VWA8: variants seen among roughly 807,000 people sequenced by gnomAD.
VWA8 encodes the protein von Willebrand factor A domain-containing protein 8.
In VWA8, 221 loss-of-function variants were observed where a neutral mutation model predicts 241.5. The observed-to-expected ratio is 0.91, with a 90% CI of 0.82 to 1.02. VWA8 has a LOEUF of 1.02. VWA8 is among the 50% of genes least tolerant of loss of function. The pLI, the probability that VWA8 is intolerant of heterozygous loss-of-function variation, is 0.00. For synonymous variants in VWA8, 852 were observed against 827.1 expected (o/e 1.03, Z -0.52); for missense variants, 2,322 against 2,328.7 (o/e 1.00, Z 0.06).
Position 41,587,599 on chromosome 13 carries a change from G to C in VWA8, c.5184C>G (p.Phe1728Leu). Residue 1728 changes from phenylalanine to leucine, a missense_variant, in exon 42 of 45, where the codon TTC (phenylalanine) becomes TTG (leucine). Coordinates refer to ENST00000379310, the MANE Select transcript of VWA8 (RefSeq NM_015058.2). ...GCTCAAGCCGGCCATCCATCCTGTTGAAACGGTACATGCTACCAGACACAT... is the reference window on the plus strand; with the variant it reads ...GCTCAAGCCGGCCATCCATCCTGTTCAAACGGTACATGCTACCAGACACAT... ...VVDVSGSMYR[F>L]NRMDGRLERT... 5 of 1,614,188 alleles carry C rather than the reference G, an allele frequency of 3.1e-6. No individual in the cohort carries two copies. Among genetic ancestry groups the C allele is most frequent in the Non-Finnish European group, 4.2e-6 (5 of 1,180,038 alleles).
chr13:41,671,581 AC>A (rs1437107910), intron 36 of VWA8, among the ~76,000 whole-genome samples: 1 of 151,682 alleles, frequency 6.6e-6, no homozygotes, highest in African/African-American at 2.4e-5. Context: ...TGAAGCCCTA[AC>A]CCCCAATATG....
chr13:41,825,523 G>A (rs1403433663), intron 14 of VWA8, among the ~76,000 whole-genome samples: 2 of 152,116 alleles, frequency 1.3e-5, no homozygotes, highest in African/African-American at 2.4e-5. Flanking sequence ...CAAGACTGTA[G>A]AAGCTGTTCT....
intron 32 of VWA8, 74 bp downstream of exon 32, chr13:41,691,246 T>G: frequency 1.3e-6 from 2 of 1,514,280 alleles, no homozygotes; most frequent in Non-Finnish European, 1.8e-6. Flanking sequence ...GACAGAACAG[T>G]AAAGATGTTG....
At chr13:41,867,631 T>C (rs1873373812) in intron 10 of VWA8, among the ~76,000 whole-genome samples, 1 of 152,214 alleles carries the variant, frequency 6.6e-6, no homozygotes, top group Non-Finnish European at 1.5e-5. Flanking sequence ...ATATGGAACC[T>C]AGCTCATGGT....
chr13:41,712,077 C>T (rs1166631489), intron 26 of VWA8, among the ~76,000 whole-genome samples: 1 of 151,556 alleles, frequency 6.6e-6, no homozygotes, highest in Non-Finnish European at 1.5e-5. Flanking sequence ...ATGATAGATA[C>T]CAGAGGTTGG....
intron 36 of VWA8, among the ~76,000 whole-genome samples, chr13:41,672,676 A>C (rs1355342229): frequency 6.6e-6 from 1 of 152,184 alleles, no homozygotes; most frequent in African/African-American, 2.4e-5. Flanking sequence ...GACACAGAAG[A>C]CTTAGAAAAT....
chr13:41,793,078 T>G (rs1186361849), intron 17 of VWA8, among the ~76,000 whole-genome samples: 1 of 152,154 alleles, frequency 6.6e-6, no homozygotes, highest in Non-Finnish European at 1.5e-5. Context: ...TATTTTGCCT[T>G]AAGAATATTT....
chr13:41,926,081 T>C (rs1430315529), intron 2 of VWA8: 2 of 485,156 alleles, frequency 4.1e-6, no homozygotes, highest in East Asian at 7.8e-5. Flanking sequence ...ATCCCAGAAA[T>C]TATAAATCAG....
intron 4 of VWA8, among the ~76,000 whole-genome samples, chr13:41,906,105 G>A (rs1164140880): frequency 1.3e-5 from 2 of 151,922 alleles, no homozygotes; most frequent in Non-Finnish European, 2.9e-5. Flanking sequence ...ATCATTTAAG[G>A]TAGTGTCTGC....
At chr13:41,600,799 T>C (rs545895456) in intron 40 of VWA8, among the ~76,000 whole-genome samples, 29 of 152,200 alleles carry the variant, frequency 1.9e-4, no homozygotes, top group Middle Eastern at 6.8e-3. Context: ...CCATTTCCCT[T>C]CCCTCGCATT....
intron 21 of VWA8, among the ~76,000 whole-genome samples, chr13:41,747,189 A>T (rs1461570771): frequency 1.3e-5 from 2 of 152,216 alleles, no homozygotes; most frequent in African/African-American, 4.8e-5. Flanking sequence ...TACCTTGGGC[A>T]GTATGGCCAT....
intron 21 of VWA8, among the ~76,000 whole-genome samples, chr13:41,758,394 G>C (rs1197210143): frequency 1.5e-3 from 7 of 4,766 alleles, no homozygotes; most frequent in African/African-American, 3.3e-3. Context: ...ATATATATAC[G>C]CTAGTATATA....
rs143411893 is a variant in VWA8 at position 41,686,053 on chromosome 13, T to C, written c.4132-811A>G. Among the ~76,000 whole-genome samples, 453 of 152,272 alleles carry C rather than the reference T, an allele frequency of 3.0e-3. 2 individuals carry two copies. The highest frequency in any genetic ancestry group is 0.01 in the African/African-American group (424 of 41,568). ...TCTGCATTCATCCTTTTCTCACATG[T>C]ATAGTTTATTGTCCAAATACCACTA... On this transcript the variant is annotated intron_variant, in intron 34 of 44. Transcript: ENST00000379310.
chr13:41,829,714 TACA>T (rs1472016359), intron 14 of VWA8, among the ~76,000 whole-genome samples: 1 of 152,130 alleles, frequency 6.6e-6, no homozygotes, highest in African/African-American at 2.4e-5. Context: ...TGTCATCACT[TACA>T]AGTGGGAGCT....
intron 21 of VWA8, among the ~76,000 whole-genome samples, chr13:41,738,787 C>T (rs1375847138): frequency 6.6e-6 from 1 of 151,876 alleles, no homozygotes; most frequent in Non-Finnish European, 1.5e-5. Context: ...CAGAAAAACA[C>T]ATTTTCTAAT....
chr13:41,779,801 A>G (rs1277650602), intron 19 of VWA8, among the ~76,000 whole-genome samples: 1 of 152,222 alleles, frequency 6.6e-6, no homozygotes, highest in Non-Finnish European at 1.5e-5. Flanking sequence ...ATCGAAAAAT[A>G]ATCCAAACTA....
intron 37 of VWA8, among the ~76,000 whole-genome samples, chr13:41,665,308 G>A (rs1193048466): frequency 6.6e-6 from 1 of 151,938 alleles, no homozygotes; most frequent in African/African-American, 2.4e-5. Context: ...CTTTGTTAAG[G>A]TTCAATTATT....
intron 37 of VWA8, among the ~76,000 whole-genome samples, chr13:41,649,945 C>T (rs2044858706): frequency 6.6e-6 from 1 of 152,190 alleles, no homozygotes; most frequent in Admixed American, 6.5e-5. Context: ...GGGAAATAAT[C>T]TAATTCCTTG....
chr13:41,656,182 T>C (rs2044903832), intron 37 of VWA8, among the ~76,000 whole-genome samples: 1 of 152,224 alleles, frequency 6.6e-6, no homozygotes, highest in South Asian at 2.1e-4. Context: ...GACTTATATG[T>C]AAATATGAAG....
Sources: allele counts gnomAD v4.1 joint callset (sites outside exome capture counted in the v4.1 genomes callset), GRCh38; gene constraint gnomAD v4.1.1; transcripts MANE v1.5; gene names NCBI Gene and HGNC (gene_info 2026-07-23, HGNC 2026-07-21).